Variants in P2RX7 observed in about 807,000 individuals in gnomAD.
P2RX7 encodes purinergic receptor P2X 7.
In P2RX7, 62 loss-of-function variants were observed where a neutral mutation model predicts 71.6. That is an observed-to-expected ratio of 0.87 (90% CI 0.71 to 1.07). P2RX7 has a LOEUF of 1.07. P2RX7 is among the 50% of genes least tolerant of loss of function. The pLI, the probability that P2RX7 is intolerant of heterozygous loss-of-function variation, is 0.00. For synonymous variants in P2RX7, 299 were observed against 283.3 expected, an observed-to-expected ratio of 1.06 and a Z score of -0.56; for missense variants, 686 against 748.5, an observed-to-expected ratio of 0.92 and a Z score of 0.97.
chr12:121,163,601 A>G (rs1035660974), intron 5 of P2RX7, among the ~76,000 whole-genome samples: 7 of 1,460 alleles, frequency 4.8e-3, no homozygotes, highest in South Asian at 0.048. Context: ...AGACAGGTAG[A>G]TAGATAGATA....
At chr12:121,148,854 CTG>C (rs1291727368) in intron 1 of P2RX7, among the ~76,000 whole-genome samples, 6 of 152,240 alleles carry the variant, frequency 3.9e-5, no homozygotes, top group Non-Finnish European at 8.8e-5. Context: ...CCAAGCTTCT[CTG>C]TGCCGCACTG....
chr12:121,168,079 C>T (rs1881469201), intron 8 of P2RX7, among the ~76,000 whole-genome samples: 1 of 152,018 alleles, frequency 6.6e-6, no homozygotes, highest in African/African-American at 2.4e-5. Context: ...GAATTTTCCT[C>T]ATCTGTACCA....
rs1593078827 is a variant in P2RX7 at position 121,162,641 on chromosome 12, T to C, written c.533+121T>C. Reference sequence around the variant, plus strand: ...TGCAAAGTCCTGGGTCCTACCGGCTTGGGGACCCCTGCGCTCTGGATGCAC... The same window carrying C: ...TGCAAAGTCCTGGGTCCTACCGGCTCGGGGACCCCTGCGCTCTGGATGCAC... On this transcript the variant is annotated intron_variant, in intron 5 of 12. Coordinates refer to ENST00000328963, the MANE Select transcript of P2RX7 (RefSeq NM_002562.6). 7.2e-6 allele frequency: 8 copies of C among 1,111,942 alleles called. No individual in the cohort carries two copies. In the East Asian group the frequency reaches 1.5e-4, roughly 21 times the overall value. The allele number at this position is 1,111,942 out of a possible 1,614,324, so 68.9% of individuals were successfully genotyped here.
chr12:121,182,551 A>T (rs1264925383), intron 12 of P2RX7, among the ~76,000 whole-genome samples: 1 of 152,208 alleles, frequency 6.6e-6, no homozygotes, highest in Non-Finnish European at 1.5e-5. Context: ...CTGTAACAGA[A>T]TGGTAAGATT....
At chr12:121,137,929 G>A (rs1874040993) in intron 1 of P2RX7, among the ~76,000 whole-genome samples, 1 of 152,150 alleles carries the variant, frequency 6.6e-6, no homozygotes, top group African/African-American at 2.4e-5. Flanking sequence ...TACAAAGCAG[G>A]GACTGGTTAT....
At position 121,167,707 on chromosome 12, in the gene P2RX7, G is replaced by T; in HGVS notation, c.881+83G>T. 5.7e-6 allele frequency: 7 copies of T among 1,217,396 alleles called. No individual in the cohort carries two copies. The South Asian group carries it at 1.3e-4, about 23-fold the overall frequency. The allele number at this position is 1,217,396 out of a possible 1,614,324, so 75.4% of individuals were successfully genotyped here. A position where few individuals can be genotyped will look rare whatever the true frequency, so the allele number is the denominator to read the frequency against. ...GGTGAGACTAATTTTGGTTTCCAAG[G>T]CAACAAGATGAATGAAAAAAGACTT... On this transcript the variant is annotated intron_variant, in intron 8 of 12. Transcript: ENST00000328963.
chr12:121,148,987 C>T, intron 1 of P2RX7: 2 of 491,124 alleles, frequency 4.1e-6, no homozygotes, highest in South Asian at 1.6e-5. Flanking sequence ...TTGATGTTAC[C>T]TTTGCGCTGG....
At chr12:121,145,352 A>G (rs1875907495) in intron 1 of P2RX7, among the ~76,000 whole-genome samples, 1 of 152,156 alleles carries the variant, frequency 6.6e-6, no homozygotes, top group South Asian at 2.1e-4. Context: ...TCCATGGTGT[A>G]TCTATTGGAT....
At position 121,149,092 on chromosome 12, in the gene P2RX7, C is replaced by T; in HGVS notation, c.126-5693C>T. 1 of 578,876 alleles carries T rather than the reference C, an allele frequency of 1.7e-6. No homozygotes were observed. The highest frequency in any genetic ancestry group is 1.4e-5 in the South Asian group (1 of 70,462). 35.9% of individuals were successfully genotyped at this position (578,876 alleles called of 1,614,324 possible). ...CAATCTAACCATGCTGGCATGGGGC[C>T]CATCCCACCTGTGATGCCAGTGTAA... On this transcript the variant is annotated intron_variant, in intron 1 of 12. Coordinates refer to ENST00000328963, the MANE Select transcript of P2RX7 (RefSeq NM_002562.6). The surrounding 1 kb of genome is among the most constrained non-coding windows in gnomAD (Gnocchi z 4.7).
At chr12:121,136,995 G>T (rs1201893984) in intron 1 of P2RX7, among the ~76,000 whole-genome samples, 1 of 152,104 alleles carries the variant, frequency 6.6e-6, no homozygotes, top group Non-Finnish European at 1.5e-5. Flanking sequence ...TCTAAAAACA[G>T]ATTACTATGA....
chr12:121,170,315 G>T (rs766574808), intron 8 of P2RX7, among the ~76,000 whole-genome samples: 10 of 152,176 alleles, frequency 6.6e-5, no homozygotes, highest in Non-Finnish European at 1.3e-4. Flanking sequence ...TCAGGTGTCA[G>T]CAAGTGTCCT....
intron 7 of P2RX7, 78 bp from the exon 8 acceptor site, chr12:121,167,410 G>A (rs1402700385): frequency 6.5e-7 from 1 of 1,545,428 alleles, no homozygotes; most frequent in Non-Finnish European, 8.9e-7. Flanking sequence ...AAGCAATCCT[G>A]GCTATGCAGG....
intron 8 of P2RX7, among the ~76,000 whole-genome samples, chr12:121,173,535 CAT>C (rs1164399480): frequency 9.2e-5 from 14 of 152,240 alleles, no homozygotes; most frequent in Non-Finnish European, 1.5e-5. Flanking sequence ...CACACCACAC[CAT>C]ACCAGGCCAT....
rs1411545889 is a variant in P2RX7 at position 121,186,250 on chromosome 12, C to T, written c.*1448C>T. ...AACATATGACTGATACCGCATGATA[C>T]ATCCCAAGTGAGAACTGCCCCATAA... is the stretch of plus-strand genomic sequence containing the variant. On this transcript the variant is annotated 3_prime_UTR_variant, in exon 13 of 13. Transcript: ENST00000328963. The T allele has an allele frequency of 6.6e-6, 1 of 152,182 alleles. No homozygotes were observed. Among genetic ancestry groups the T allele is most frequent in the Non-Finnish European group, 1.5e-5 (1 of 68,054 alleles). The allele number at this position is 152,182 out of a possible 1,614,324, so 9.4% of individuals were successfully genotyped here.
At chr12:121,144,517 A>G (rs1875723352) in intron 1 of P2RX7, among the ~76,000 whole-genome samples, 1 of 152,198 alleles carries the variant, frequency 6.6e-6, no homozygotes, top group African/African-American at 2.4e-5. Flanking sequence ...TCTTATTACA[A>G]AAGAAGAAAC....
chr12:121,176,684 G>A lies in P2RX7; in HGVS notation c.973-463G>A, dbSNP rs948157606. Among the ~76,000 whole-genome samples the A allele has an allele frequency of 2.6e-5, 4 of 150,982 alleles. No homozygotes were observed. In the East Asian group the frequency reaches 7.8e-4, roughly 29 times the overall value. On this transcript the variant is annotated intron_variant, in intron 9 of 12. Transcript: ENST00000328963. ...GGAGTATCTCTTGAACCCAGGAGGC[G>A]GAGCTTGCAGTGAGCCGAGATTGCG...
chr12:121,134,093 C>G (rs965829125), intron 1 of P2RX7, among the ~76,000 whole-genome samples: 2 of 152,190 alleles, frequency 1.3e-5, no homozygotes, highest in African/African-American at 4.8e-5. Flanking sequence ...TCTATCCATT[C>G]ATCCATTGAT....
chr12:121,146,923 A>G (rs1876324083), intron 1 of P2RX7, among the ~76,000 whole-genome samples: 1 of 152,238 alleles, frequency 6.6e-6, no homozygotes, highest in African/African-American at 2.4e-5. Context: ...GGCAAGAAAA[A>G]GCAATAAAAG....
At chr12:121,137,289 C>T (rs1233310116) in intron 1 of P2RX7, among the ~76,000 whole-genome samples, 1 of 152,100 alleles carries the variant, frequency 6.6e-6, no homozygotes, top group Non-Finnish European at 1.5e-5. Context: ...GCCACATGAC[C>T]CCTAAAATAA....
Sources: gnomAD v4.1 joint callset for allele counts (sites outside exome capture counted in the v4.1 genomes callset) on GRCh38, gnomAD v4.1.1 for gene constraint, Gnocchi (gnomAD v3.1) non-coding constraint, MANE v1.5 for transcripts, NCBI Gene and HGNC (gene_info 2026-07-23, HGNC 2026-07-21) for gene names.